The following GALNT13 variants were observed in gnomAD, a reference collection of about 807,000 sequenced individuals.
The protein encoded by GALNT13 is UDP-GalNAc:polypeptide N-acetylgalactosaminyltransferase 13.
Under a neutral mutation model 64.2 loss-of-function variants are expected in GALNT13, and 28 were observed. That is an observed-to-expected ratio of 0.44 (90% CI 0.32 to 0.60). The LOEUF is 0.60. Ranked by LOEUF, GALNT13 falls within the 20% of genes least tolerant of loss-of-function variation. The pLI is 0.05. For missense variants in GALNT13, 577 were observed against 669.8 expected, an observed-to-expected ratio of 0.86 and a Z score of 1.53; for synonymous variants, 214 against 224.6, an observed-to-expected ratio of 0.95 and a Z score of 0.42.
the GALNT13 span, among the ~76,000 whole-genome samples, chr2:153,553,815 T>A: frequency 2.0e-5 from 3 of 151,954 alleles, no homozygotes; most frequent in African/African-American, 7.3e-5. Context: ...GAAATAGACT[T>A]CAGACAGAGC....
chr2:153,749,378 T>C, the GALNT13 span, among the ~76,000 whole-genome samples: 4 of 152,058 alleles, frequency 2.6e-5, no homozygotes, highest in Admixed American at 1.3e-4. Context: ...TTGAAGAATG[T>C]CCTTGATATT....
the GALNT13 span, among the ~76,000 whole-genome samples, chr2:153,221,659 C>T: frequency 3.9e-5 from 6 of 152,262 alleles, no homozygotes; most frequent in East Asian, 1.2e-3. Flanking sequence ...CTGGATCCCC[C>T]GCCTGCCAAG....
intron 3 of GALNT13, among the ~76,000 whole-genome samples, chr2:153,993,929 A>G (rs1253121863): frequency 6.6e-6 from 1 of 151,822 alleles, no homozygotes; most frequent in Admixed American, 6.6e-5. Flanking sequence ...TTTTGTTATT[A>G]TTATACTTTA....
At chr2:154,273,561 A>G (rs1187966292) in intron 8 of GALNT13, among the ~76,000 whole-genome samples, 1 of 152,228 alleles carries the variant, frequency 6.6e-6, no homozygotes, top group Non-Finnish European at 1.5e-5. Flanking sequence ...CAACAACGAC[A>G]CATATACAAT....
chr2:153,241,028 G>C, the GALNT13 span, among the ~76,000 whole-genome samples: 1 of 152,070 alleles, frequency 6.6e-6, no homozygotes. Flanking sequence ...ACTTAGAAAG[G>C]GATACTCTTA....
intron 8 of GALNT13, among the ~76,000 whole-genome samples, chr2:154,300,308 G>C (rs1022234433): frequency 6.6e-6 from 1 of 151,382 alleles, no homozygotes; most frequent in African/African-American, 2.4e-5. Flanking sequence ...TTGCCATGTT[G>C]GTCAGGCTGG....
chr2:153,469,101 T>TAGG, the GALNT13 span, among the ~76,000 whole-genome samples: 1,235 of 152,234 alleles, frequency 8.1e-3, 20 homozygotes, highest in African/African-American at 0.029. Context: ...TGTCCAAATA[T>TAGG]AGGAGGACCA....
At chr2:153,943,667 G>A (rs1469973733) in intron 2 of GALNT13, among the ~76,000 whole-genome samples, 5 of 151,890 alleles carry the variant, frequency 3.3e-5, no homozygotes. Context: ...GCTAATTTTT[G>A]TATTTTTAGT....
Position 154,245,917 on chromosome 2 carries a change from C to T in GALNT13, c.792C>T (p.Phe264=). The part of the protein sequence containing the change: ...TYGGFNWKLN[F]RWYPVPQREM... ...GGGGTTTTAACTGGAAACTGAATTT[C>T]CGCTGGTATCCTGTTCCCCAAAGAG... Residue 264 remains phenylalanine (F), a synonymous_variant, in exon 7 of 13, where the codon TTC becomes TTT. Coordinates refer to ENST00000392825, the MANE Select transcript of GALNT13 (RefSeq NM_052917.4). 6.2e-7 allele frequency: 1 copy of T among 1,613,218 alleles called. No homozygotes were observed.
chr2:154,237,974 A>G (rs1408548273), intron 4 of GALNT13, among the ~76,000 whole-genome samples: 1 of 152,046 alleles, frequency 6.6e-6, no homozygotes, highest in Non-Finnish European at 1.5e-5. Context: ...CTGTTAATCA[A>G]CAGCTGACTG....
At chr2:153,112,639 G>A in the GALNT13 span, among the ~76,000 whole-genome samples, 6 of 152,134 alleles carry the variant, frequency 3.9e-5, no homozygotes, top group African/African-American at 1.4e-4. Context: ...GAATAAATAA[G>A]CACCAGAATT....
chr2:153,231,028 G>T, the GALNT13 span, among the ~76,000 whole-genome samples: 227 of 152,278 alleles, frequency 1.5e-3, no homozygotes, highest in African/African-American at 5.3e-3. Flanking sequence ...TGGCTGACTG[G>T]AGATATCGAT....
the GALNT13 span, among the ~76,000 whole-genome samples, chr2:153,536,750 C>G: frequency 7.2e-5 from 11 of 152,082 alleles, no homozygotes; most frequent in African/African-American, 2.7e-4. Context: ...TGGGAAGACA[C>G]ATAAACCTGT....
the GALNT13 span, among the ~76,000 whole-genome samples, chr2:153,766,714 T>A: frequency 6.6e-6 from 1 of 152,114 alleles, no homozygotes. Context: ...AGTTTTTTAA[T>A]GTTTAAAATT....
chr2:154,267,039 T>C (rs1287762597), intron 8 of GALNT13, among the ~76,000 whole-genome samples: 1 of 152,026 alleles, frequency 6.6e-6, no homozygotes, highest in Non-Finnish European at 1.5e-5. Context: ...GGAAATAAAC[T>C]TAACACATAC....
At chr2:153,465,817 T>C in the GALNT13 span, among the ~76,000 whole-genome samples, 1 of 151,910 alleles carries the variant, frequency 6.6e-6, no homozygotes, top group Admixed American at 6.6e-5. Flanking sequence ...ATGGCAAAGG[T>C]GAAACAAAAG....
At chr2:154,027,778 C>G (rs7573423) in intron 3 of GALNT13, among the ~76,000 whole-genome samples, 1 of 151,866 alleles carries the variant, frequency 6.6e-6, no homozygotes, top group Non-Finnish European at 1.5e-5. Context: ...GGGAATATAT[C>G]TCCAGGTATT....
At chr2:154,255,167 G>A (rs768018988) in intron 7 of GALNT13, among the ~76,000 whole-genome samples, 1 of 152,100 alleles carries the variant, frequency 6.6e-6, no homozygotes, top group Non-Finnish European at 1.5e-5. Flanking sequence ...ATGATTTCAA[G>A]CAGGAAGCCT....
At chr2:154,253,156 G>C (rs1204590177) in intron 7 of GALNT13, among the ~76,000 whole-genome samples, 1 of 152,140 alleles carries the variant, frequency 6.6e-6, no homozygotes, top group East Asian at 1.9e-4. Flanking sequence ...CTGAGGCACA[G>C]AGTTTAAGTG....
Sources: gnomAD v4.1 joint callset for allele counts (sites outside exome capture counted in the v4.1 genomes callset) on GRCh38, gnomAD v4.1.1 for gene constraint, MANE v1.5 for transcripts, NCBI Gene and HGNC (gene_info 2026-07-23, HGNC 2026-07-21) for gene names.